The following GRM8 variants were observed in gnomAD, a reference collection of about 807,000 sequenced individuals.
GRM8 encodes metabotropic glutamate receptor 8.
GRM8 carries 47 observed loss-of-function variants against 87.2 expected under a neutral mutation model. The ratio of observed to expected loss-of-function variants is 0.54; its 90% CI spans 0.43 to 0.69. The LOEUF is 0.69. GRM8 is among the 30% of genes least tolerant of loss of function. The pLI is 0.00. For synonymous variants in GRM8, 396 were observed against 404.5 expected (o/e 0.98, Z 0.25); for missense variants, 1,019 against 1,139.2 (o/e 0.89, Z 1.52).
intron 7 of GRM8, among the ~76,000 whole-genome samples, chr7:126,730,607 C>T (rs1813480263): frequency 6.6e-6 from 1 of 152,080 alleles, no homozygotes; most frequent in African/African-American, 2.4e-5. Flanking sequence ...GGGCACTAAC[C>T]TGTATCTGTG....
intron 1 of GRM8, among the ~76,000 whole-genome samples, chr7:127,250,521 G>A (rs776511429): frequency 7.9e-5 from 12 of 152,116 alleles, no homozygotes; most frequent in South Asian, 2.1e-4. Context: ...TTATTCAAAA[G>A]CAAGAATTCT....
chr7:126,690,644 T>C (rs1490938771), intron 7 of GRM8, among the ~76,000 whole-genome samples: 1 of 152,146 alleles, frequency 6.6e-6, no homozygotes, highest in African/African-American at 2.4e-5. Flanking sequence ...GTTACAGCTC[T>C]TTCAGCCCCA....
At chr7:126,941,522 A>C (rs1166944904) in intron 3 of GRM8, among the ~76,000 whole-genome samples, 1 of 151,342 alleles carries the variant, frequency 6.6e-6, no homozygotes, top group Non-Finnish European at 1.5e-5. Flanking sequence ...TGGGAGGCTG[A>C]GGCAGGAGAA....
At chr7:126,736,186 T>C (rs1585719382) in intron 7 of GRM8, among the ~76,000 whole-genome samples, 1 of 152,044 alleles carries the variant, frequency 6.6e-6, no homozygotes, top group Non-Finnish European at 1.5e-5. Flanking sequence ...TCCGACAGAA[T>C]GTGCCATGCT....
intron 3 of GRM8, among the ~76,000 whole-genome samples, chr7:127,060,657 A>C (rs760705878): frequency 1.3e-5 from 2 of 152,208 alleles, no homozygotes; most frequent in Non-Finnish European, 2.9e-5. Context: ...TTGTTTCTTT[A>C]AGAATTATAA....
intron 7 of GRM8, among the ~76,000 whole-genome samples, chr7:126,665,599 A>G (rs1318226149): frequency 1.3e-5 from 2 of 152,022 alleles, no homozygotes; most frequent in African/African-American, 4.8e-5. Context: ...GGGGACTACT[A>G]GAAGAAGGAA....
chr7:126,988,781 T>C (rs1812360950), intron 3 of GRM8, among the ~76,000 whole-genome samples: 1 of 152,242 alleles, frequency 6.6e-6, no homozygotes, highest in Non-Finnish European at 1.5e-5. Flanking sequence ...TGAATATTCT[T>C]ATTAACTGTT....
rs749301949 is a variant in GRM8, at chr7:127,200,563, T to C, written c.510+42132A>G. Among the ~76,000 whole-genome samples, 97 of 152,222 alleles carry C rather than the reference T, an allele frequency of 6.4e-4. 1 individual carries two copies. The highest frequency in any genetic ancestry group is 9.7e-4 in the Non-Finnish European group (66 of 68,042). On this transcript the variant is annotated intron_variant, in intron 2 of 10. Coordinates refer to ENST00000339582, the MANE Select transcript of GRM8 (RefSeq NM_000845.3). ...TTTGTTATCTCACAGTCCTGGAGGCTGGAAGTCTGCCATCAAGGCATCAGC... is the reference window on the plus strand; with the variant it reads ...TTTGTTATCTCACAGTCCTGGAGGCCGGAAGTCTGCCATCAAGGCATCAGC...
chr7:126,514,341 T>C (rs1168433238), intron 9 of GRM8, among the ~76,000 whole-genome samples: 1 of 152,178 alleles, frequency 6.6e-6, no homozygotes. Context: ...ATGCTTAAAA[T>C]GAAGCAGTGG....
chr7:126,611,886 T>C (rs1471905892), intron 7 of GRM8, among the ~76,000 whole-genome samples: 1 of 152,174 alleles, frequency 6.6e-6, no homozygotes, highest in Non-Finnish European at 1.5e-5. Flanking sequence ...TATAATAATT[T>C]CCAACTTAGA....
intron 7 of GRM8, among the ~76,000 whole-genome samples, chr7:126,704,801 T>C: frequency 6.6e-6 from 1 of 152,312 alleles, no homozygotes; most frequent in East Asian, 1.9e-4. Flanking sequence ...CCCTGTCTCC[T>C]GATAAGATGT....
chr7:126,673,267 C>A (rs1421204640), intron 7 of GRM8, among the ~76,000 whole-genome samples: 2 of 152,146 alleles, frequency 1.3e-5, no homozygotes, highest in Non-Finnish European at 2.9e-5. Flanking sequence ...GATCTGCAAG[C>A]CTACGTTTTT....
chr7:126,525,491 C>T (rs957312479), intron 9 of GRM8, among the ~76,000 whole-genome samples: 11 of 152,152 alleles, frequency 7.2e-5, no homozygotes, highest in African/African-American at 2.7e-4. Context: ...CCAGCTGGCC[C>T]ATATCTCCTG....
At chr7:126,525,389 T>C (rs1171421574) in intron 9 of GRM8, among the ~76,000 whole-genome samples, 2 of 152,222 alleles carry the variant, frequency 1.3e-5, no homozygotes, top group African/African-American at 4.8e-5. Context: ...AGAAGTCCTC[T>C]GTCCTCACAT....
intron 6 of GRM8, among the ~76,000 whole-genome samples, chr7:126,821,265 C>A (rs1794272696): frequency 6.6e-6 from 1 of 152,132 alleles, no homozygotes; most frequent in African/African-American, 2.4e-5. Context: ...CTATTCTCTT[C>A]ATCTAATGCA....
At chr7:126,527,543 T>C (rs1814052179) in intron 9 of GRM8, among the ~76,000 whole-genome samples, 1 of 152,218 alleles carries the variant, frequency 6.6e-6, no homozygotes, top group African/African-American at 2.4e-5. Context: ...TCCTCCAGTT[T>C]GATCTATTCT....
chr7:126,994,371 C>G (rs1420711947), intron 3 of GRM8, among the ~76,000 whole-genome samples: 1 of 152,192 alleles, frequency 6.6e-6, no homozygotes, highest in Non-Finnish European at 1.5e-5. Flanking sequence ...TTGGGTAAGA[C>G]TCTGAGACAT....
At chr7:127,199,743 C>A (rs1055937332) in intron 2 of GRM8, among the ~76,000 whole-genome samples, 4 of 152,286 alleles carry the variant, frequency 2.6e-5, no homozygotes, top group African/African-American at 7.2e-5. Context: ...ACCATTCTCC[C>A]GTTTTCCCCC....
chr7:127,219,329 T>A (rs1348959087), intron 2 of GRM8: 1 of 152,230 alleles, frequency 6.6e-6, no homozygotes, highest in Non-Finnish European at 1.5e-5. Flanking sequence ...AGAACTTTTG[T>A]CTTTCATGAC....
Sources: gnomAD v4.1 joint callset for allele counts (sites outside exome capture counted in the v4.1 genomes callset) on GRCh38, gnomAD v4.1.1 for gene constraint, MANE v1.5 for transcripts, NCBI Gene and HGNC (gene_info 2026-07-23, HGNC 2026-07-21) for gene names.